CHL1: variants seen among roughly 807,000 people sequenced by gnomAD.
CHL1 encodes neural cell adhesion molecule L1-like protein.
CHL1 carries 96 observed loss-of-function variants against 141.9 expected under a neutral mutation model. The observed-to-expected ratio is 0.68, with a 90% CI of 0.57 to 0.80. The LOEUF is 0.80. Among genes scored for constraint, CHL1 ranks in the 30% least tolerant of loss-of-function variants. The pLI is 0.00. For synonymous variants in CHL1, 613 were observed against 502.2 expected, an observed-to-expected ratio of 1.22 and a Z score of -2.95; for missense variants, 1,820 against 1,457.2, an observed-to-expected ratio of 1.25 and a Z score of -4.05.
chr3:392,820 G>A (rs1013562340), intron 23 of CHL1, among the ~76,000 whole-genome samples: 2 of 152,164 alleles, frequency 1.3e-5, no homozygotes, highest in Non-Finnish European at 2.9e-5. Flanking sequence ...TAATCCCAAC[G>A]GAAGTAGACT....
chr3:213,293 G>T (rs1700045968), intron 1 of CHL1: 1 of 152,184 alleles, frequency 6.6e-6, no homozygotes, highest in African/African-American at 2.4e-5. Flanking sequence ...GATCATTTCA[G>T]CGCTGATAGA....
rs561264708 is a variant in CHL1 at position 275,236 on chromosome 3, A to G, written c.-95+30544A>G. Among the ~76,000 whole-genome samples the G allele has an allele frequency of 2.0e-5, 3 of 152,354 alleles. No homozygotes were observed. The East Asian group carries it at 5.8e-4, about 29-fold the overall frequency. On this transcript the variant is annotated intron_variant, in intron 2 of 27. Coordinates refer to ENST00000256509, the MANE Select transcript of CHL1 (RefSeq NM_006614.4). ...GCTCTTAGTCGCAGTGTGGCTCATT[A>G]TCTAGCATTTGCTAACATGTTATGG...
At chr3:246,334 C>A (rs772128233) in intron 2 of CHL1, among the ~76,000 whole-genome samples, 2 of 152,016 alleles carry the variant, frequency 1.3e-5, no homozygotes, top group Admixed American at 1.3e-4. Context: ...GCTCGTAGCC[C>A]TGCATTCTTT....
chr3:334,508 G>C (rs1344447382), intron 5 of CHL1, among the ~76,000 whole-genome samples: 1 of 152,076 alleles, frequency 6.6e-6, no homozygotes, highest in Non-Finnish European at 1.5e-5. Context: ...TACTTTTCTG[G>C]ACATTTCATA....
intron 14 of CHL1, 115 bp downstream of exon 14, chr3:363,498 C>T (rs930332269): frequency 5.1e-6 from 5 of 983,082 alleles, no homozygotes; most frequent in Non-Finnish European, 7.4e-6. Flanking sequence ...GTTCTTTGAA[C>T]CGTTTTTCAA....
intron 1 of CHL1, among the ~76,000 whole-genome samples, chr3:242,701 G>C (rs1009577454): frequency 3.4e-4 from 52 of 151,656 alleles, no homozygotes; most frequent in East Asian, 1.9e-3. Flanking sequence ...CACACACAGA[G>C]AGAGAGAGAG....
intron 2 of CHL1, among the ~76,000 whole-genome samples, chr3:317,352 A>T (rs1277859170): frequency 1.3e-5 from 2 of 151,958 alleles, no homozygotes; most frequent in African/African-American, 2.4e-5. Flanking sequence ...CTAAGTCAAG[A>T]GATTAATGGA....
intron 2 of CHL1, among the ~76,000 whole-genome samples, chr3:289,676 A>C (rs1041087077): frequency 2.0e-5 from 3 of 152,020 alleles, no homozygotes; most frequent in Non-Finnish European, 2.9e-5. Context: ...TATGTAATAC[A>C]TATTGTATGC....
intron 2 of CHL1, among the ~76,000 whole-genome samples, chr3:291,206 T>C (rs1367379195): frequency 3.3e-5 from 5 of 152,086 alleles, no homozygotes; most frequent in African/African-American, 1.2e-4. Flanking sequence ...AAAGGAACTA[T>C]GTTAATTTTG....
At chr3:351,933 C>T (rs1703303067) in intron 10 of CHL1, among the ~76,000 whole-genome samples, 1 of 152,104 alleles carries the variant, frequency 6.6e-6, no homozygotes, top group Non-Finnish European at 1.5e-5. Flanking sequence ...ATTATAGTGA[C>T]ATCTAAAACA....
At chr3:303,058 G>T (rs887696889) in intron 2 of CHL1, among the ~76,000 whole-genome samples, 6 of 152,230 alleles carry the variant, frequency 3.9e-5, no homozygotes, top group Admixed American at 3.3e-4. Flanking sequence ...TTGTAGCTGC[G>T]TGGTGTTATT....
chr3:270,089 A>G (rs944322873), intron 2 of CHL1, among the ~76,000 whole-genome samples: 3 of 152,176 alleles, frequency 2.0e-5, no homozygotes, highest in African/African-American at 7.2e-5. Context: ...TTTTATTTTC[A>G]TTTCAGCTCC....
chr3:274,573 T>C (rs1218530377), intron 2 of CHL1, among the ~76,000 whole-genome samples: 1 of 152,168 alleles, frequency 6.6e-6, no homozygotes, highest in Non-Finnish European at 1.5e-5. Flanking sequence ...TCTGGCACAG[T>C]TACTGTTTGG....
intron 1 of CHL1, among the ~76,000 whole-genome samples, chr3:237,658 A>T (rs1354869863): frequency 6.6e-6 from 1 of 152,236 alleles, no homozygotes; most frequent in Admixed American, 6.5e-5. Flanking sequence ...TTTGTAAATC[A>T]TACCTAACTT....
chr3:402,155 T>A (rs1709196851), intron 27 of CHL1, among the ~76,000 whole-genome samples: 1 of 152,190 alleles, frequency 6.6e-6, no homozygotes, highest in African/African-American at 2.4e-5. Flanking sequence ...ATGACTGTAA[T>A]GAATTAAATA....
rs895292764 is a variant in CHL1, at chr3:407,785, A to G, written c.*2074A>G. 1 of 152,144 alleles carries G rather than the reference A, an allele frequency of 6.6e-6. No individual in the cohort carries two copies. Among genetic ancestry groups the G allele is most frequent in the Non-Finnish European group, 1.5e-5 (1 of 68,018 alleles). 9.4% of individuals were successfully genotyped at this position (152,144 alleles called of 1,614,324 possible). A position where few individuals can be genotyped will look rare whatever the true frequency, so the allele number is the denominator to read the frequency against. On this transcript the variant is annotated 3_prime_UTR_variant, in exon 28 of 28. Coordinates refer to ENST00000256509, the MANE Select transcript of CHL1 (RefSeq NM_006614.4). ...TGTCAAAAATATTTAGGAATTTAAT[A>G]ACCTTTAAGTCAGAAACTAAAACAA... is the stretch of plus-strand genomic sequence containing the variant.
chr3:301,169 G>A (rs1250158351), intron 2 of CHL1, among the ~76,000 whole-genome samples: 1 of 152,118 alleles, frequency 6.6e-6, no homozygotes, highest in Admixed American at 6.6e-5. Flanking sequence ...AGGTAGAAGG[G>A]ATTCAGACCC....
intron 15 of CHL1, among the ~76,000 whole-genome samples, chr3:368,061 T>G (rs898842526): frequency 6.6e-6 from 1 of 152,196 alleles, no homozygotes; most frequent in Non-Finnish European, 1.5e-5. Context: ...TAAACATATA[T>G]GTGTATGTGT....
intron 1 of CHL1, among the ~76,000 whole-genome samples, chr3:238,155 C>G (rs574026968): frequency 1.6e-4 from 25 of 152,238 alleles, no homozygotes; most frequent in African/African-American, 5.8e-4. Context: ...TTAAAAGATA[C>G]AGTCATTCAA....
Sources: gnomAD v4.1 joint callset for allele counts (sites outside exome capture counted in the v4.1 genomes callset) on GRCh38, gnomAD v4.1.1 for gene constraint, MANE v1.5 for transcripts, NCBI Gene and HGNC (gene_info 2026-07-23, HGNC 2026-07-21) for gene names.